The following CBLN2 variants were observed in gnomAD, a reference collection of about 807,000 sequenced individuals.
CBLN2 encodes cerebellin-2.
CBLN2 carries 7 observed loss-of-function variants against 15.0 expected under a neutral mutation model. The ratio of observed to expected loss-of-function variants is 0.47; its 90% CI spans 0.27 to 0.88. The LOEUF (loss-of-function observed/expected upper bound fraction) is 0.88, where lower values mean the gene tolerates loss of function less well. Among genes scored for constraint, CBLN2 ranks in the 40% least tolerant of loss-of-function variants. The probability of loss-of-function intolerance (pLI) is 0.14; values close to 1 mark genes in which losing one functional copy is unlikely to be tolerated. For missense variants in CBLN2, 242 were observed against 304.5 expected, an observed-to-expected ratio of 0.79 and a Z score of 1.53; for synonymous variants, 149 against 135.2, an observed-to-expected ratio of 1.10 and a Z score of -0.71.
At chr18:72,555,447 CGT>C (rs61258751) in intron 1 of CBLN2, among the ~76,000 whole-genome samples, 11 of 148,980 alleles carry the variant, frequency 7.4e-5, no homozygotes, top group Non-Finnish European at 9.0e-5. Flanking sequence ...TGTGTGTGGG[CGT>C]GTGTGTGTGT....
intron 1 of CBLN2, among the ~76,000 whole-genome samples, chr18:72,605,493 C>T (rs2144947678): frequency 6.6e-6 from 1 of 152,242 alleles, no homozygotes; most frequent in South Asian, 2.1e-4. Flanking sequence ...CATAAAGTAA[C>T]AAATTTTTAT....
At chr18:72,590,876 A>G (rs1319354936) in intron 1 of CBLN2, among the ~76,000 whole-genome samples, 1 of 152,250 alleles carries the variant, frequency 6.6e-6, no homozygotes, top group East Asian at 1.9e-4. Flanking sequence ...ACAAGCATGC[A>G]AACAATATTC....
intron 1 of CBLN2, among the ~76,000 whole-genome samples, chr18:72,633,281 T>C (rs1025579402): frequency 3.3e-5 from 5 of 152,230 alleles, no homozygotes; most frequent in Non-Finnish European, 7.3e-5. Context: ...ATACCTTTAA[T>C]GTAGTTTTTA....
chr18:72,591,427 C>G (rs1418616994), intron 1 of CBLN2, among the ~76,000 whole-genome samples: 1 of 152,054 alleles, frequency 6.6e-6, no homozygotes, highest in Admixed American at 6.6e-5. Context: ...TACAGGCATA[C>G]AAAGTGTAAT....
chr18:72,538,726 A>G lies in CBLN2; in HGVS notation c.404T>C (p.Phe135Ser), dbSNP rs770965720. ...GNHFDLASSI[F>S]VAPRKGIYSF... ...ATAAATCCCTTTTCTCGGTGCTACA[A>G]ATATACTGGAAGCAAGATCAAAGTG... is the stretch of plus-strand genomic sequence containing the variant. Residue 135 changes from phenylalanine (F) to serine (S), a missense_variant, in exon 4 of 5, where the codon TTT (phenylalanine) becomes TCT (serine). By Grantham distance (155) the Phe-to-Ser change is radical (BLOSUM62 -2). Around this residue, in one of 4 missense-constraint regions of CBLN2, gnomAD observed 89 missense variants for 114.2 expected, o/e 0.78. Transcript: ENST00000269503. The G allele has an allele frequency of 6.2e-7, 1 of 1,613,864 alleles. No individual in the cohort carries two copies. Among genetic ancestry groups the G allele is most frequent in the Non-Finnish European group, 8.5e-7 (1 of 1,180,002 alleles).
chr18:72,621,087 C>G (rs182627018), intron 1 of CBLN2, among the ~76,000 whole-genome samples: 3 of 152,208 alleles, frequency 2.0e-5, no homozygotes, highest in African/African-American at 7.2e-5. Context: ...CTTGCCAGTG[C>G]CCTTTCCTTT....
chr18:72,627,074 T>G (rs1341199279), intron 1 of CBLN2, among the ~76,000 whole-genome samples: 2 of 152,222 alleles, frequency 1.3e-5, no homozygotes, highest in Non-Finnish European at 2.9e-5. Context: ...TTATTTTTAC[T>G]GTTGTGTGAT....
At chr18:72,598,259 G>T (rs2069525726) in intron 1 of CBLN2, among the ~76,000 whole-genome samples, 1 of 152,150 alleles carries the variant, frequency 6.6e-6, no homozygotes, top group Admixed American at 6.5e-5. Flanking sequence ...TAGTCAGCAG[G>T]TGATGAATCC....
At chr18:72,615,357 A>G (rs2069654186) in intron 1 of CBLN2, among the ~76,000 whole-genome samples, 1 of 148,246 alleles carries the variant, frequency 6.7e-6, no homozygotes, top group South Asian at 2.1e-4. Context: ...GCTCACTGCA[A>G]CCTCCTCCTC....
At position 72,556,543 on chromosome 18, in the gene CBLN2, T is replaced by C. The variant is rs542248479; in HGVS notation, c.16-17771A>G. On this transcript the variant is annotated intron_variant, in intron 1 of 2. Transcript: ENST00000581073. ...CACTTAGAAGGCCTGTTGCCTGCAT[T>C]TGGTGTGGTTGGAGGAAGAGGTGGT... is the stretch of plus-strand genomic sequence containing the variant. Among the ~76,000 whole-genome samples, 16 of 152,228 alleles carry C rather than the reference T, an allele frequency of 1.1e-4. No homozygotes were observed. In the South Asian group the frequency reaches 3.3e-3, roughly 32 times the overall value.
rs555687427 is a variant in CBLN2 at position 72,601,416 on chromosome 18, C to T, written c.15+36909G>A. On this transcript the variant is annotated intron_variant, in intron 1 of 2. Coordinates refer to the CBLN2 transcript ENST00000581073. The stretch of plus-strand genomic sequence containing the variant: ...GTTGAGGGTAGAGGGAGGTGTATGC[C>T]ATGTGCCACAATTCCATAAATAGAT... 2.6e-5 allele frequency among the ~76,000 whole-genome samples: 4 copies of T among 151,006 alleles called. No homozygotes were observed. The South Asian group carries it at 8.5e-4, about 32-fold the overall frequency.
chr18:72,538,134 G>A lies in CBLN2; in HGVS notation c.*42C>T, dbSNP rs370758001. On this transcript the variant is annotated 3_prime_UTR_variant, in exon 5 of 5. Coordinates refer to ENST00000269503, the MANE Select transcript of CBLN2 (RefSeq NM_182511.4). Reference sequence around the variant, plus strand: ...GGGTGTTTTAAAGGGCGGAGTCCTGGGTCCAGTTTGCCATTCCCCCACCAT... The same window carrying A: ...GGGTGTTTTAAAGGGCGGAGTCCTGAGTCCAGTTTGCCATTCCCCCACCAT... 3 of 1,604,220 alleles carry A rather than the reference G, an allele frequency of 1.9e-6. No homozygotes were observed. The highest frequency in any genetic ancestry group is 2.6e-6 in the Non-Finnish European group (3 of 1,171,384).
intron 1 of CBLN2, among the ~76,000 whole-genome samples, chr18:72,573,981 A>C (rs1476153699): frequency 2.0e-5 from 3 of 152,156 alleles, no homozygotes; most frequent in African/African-American, 7.2e-5. Context: ...CGCCATTCTT[A>C]TAAGTGTGTA....
chr18:72,585,044 A>G (rs983418774), intron 1 of CBLN2, among the ~76,000 whole-genome samples: 3 of 152,192 alleles, frequency 2.0e-5, no homozygotes, highest in African/African-American at 7.2e-5. Flanking sequence ...GTATACCACA[A>G]GCAGCTTCCA....
At chr18:72,539,850 C>T (rs1294621086) in intron 3 of CBLN2, 1 of 152,166 alleles carries the variant, frequency 6.6e-6, no homozygotes, top group African/African-American at 2.4e-5. Flanking sequence ...ACATCAAAAT[C>T]CTGGGTTTAA....
intron 2 of CBLN2, among the ~76,000 whole-genome samples, chr18:72,542,623 A>G (rs752609923): frequency 1.2e-4 from 19 of 152,046 alleles, no homozygotes; most frequent in Non-Finnish European, 2.8e-4. Context: ...AGAAGGCGTC[A>G]CCGCCACCCC....
chr18:72,545,949 T>C (rs974988661), upstream of CBLN2, among the ~76,000 whole-genome samples: 1 of 152,174 alleles, frequency 6.6e-6, no homozygotes, highest in Non-Finnish European at 1.5e-5. Context: ...TTAGATTATA[T>C]ATATGTAGAG....
chr18:72,621,442 A>C (rs2069700041), intron 1 of CBLN2, among the ~76,000 whole-genome samples: 1 of 152,344 alleles, frequency 6.6e-6, no homozygotes, highest in East Asian at 1.9e-4. Context: ...AAGATTACAT[A>C]GAATATCTCC....
At chr18:72,615,536 C>G (rs2069655635) in intron 1 of CBLN2, among the ~76,000 whole-genome samples, 1 of 151,848 alleles carries the variant, frequency 6.6e-6, no homozygotes, top group African/African-American at 2.4e-5. Context: ...CTTGGCTTCC[C>G]AAAGTGCTGG....
Sources: gnomAD v4.1 joint callset for allele counts (sites outside exome capture counted in the v4.1 genomes callset) on GRCh38, gnomAD v4.1.1 for gene constraint, gnomAD v4.1.1 regional missense constraint, MANE v1.5 for transcripts, NCBI Gene and HGNC (gene_info 2026-07-23, HGNC 2026-07-21) for gene names.